Variants in FGF13 observed in about 807,000 individuals in gnomAD.
FGF13 encodes fibroblast growth factor homologous factor 2.
In FGF13, 2 loss-of-function variants were observed where a neutral mutation model predicts 19.5. The observed-to-expected ratio is 0.10, with a 90% CI of 0.04 to 0.32. The LOEUF is 0.32. FGF13 is among the 10% of genes least tolerant of loss of function. The pLI is 1.00. For missense variants in FGF13, 113 were observed against 192.7 expected, an observed-to-expected ratio of 0.59 and a Z score of 2.45; for synonymous variants, 72 against 76.9, an observed-to-expected ratio of 0.94 and a Z score of 0.33.
intron 1 of FGF13, among the ~76,000 whole-genome samples, chrX:139,053,229 T>A (rs2092308434): frequency 9.0e-6 from 1 of 111,388 alleles, no homozygotes; most frequent in Non-Finnish European, 1.9e-5. Context: ...TATGTGTGTG[T>A]GTATATATCA....
intron 3 of FGF13, among the ~76,000 whole-genome samples, chrX:138,665,753 C>T (rs1421865790): frequency 9.1e-6 from 1 of 110,342 alleles, no homozygotes; most frequent in Non-Finnish European, 1.9e-5. Context: ...AAGAGAAAGC[C>T]CCTACCCTCA....
intron 3 of FGF13, among the ~76,000 whole-genome samples, chrX:138,779,540 G>A (rs1416409990): frequency 7.3e-5 from 8 of 109,330 alleles, no homozygotes; most frequent in East Asian, 2.9e-4. Flanking sequence ...GAGCCGATGC[G>A]ATCAACTGGA....
At chrX:139,097,432 C>T (rs1275198024) in intron 1 of FGF13, among the ~76,000 whole-genome samples, 3 of 111,453 alleles carry the variant, frequency 2.7e-5, no homozygotes, top group Non-Finnish European at 5.6e-5. Flanking sequence ...GACAAGCTTG[C>T]TTTAAAGGAT....
intron 3 of FGF13, among the ~76,000 whole-genome samples, chrX:138,839,327 A>G (rs1276750141): frequency 1.8e-5 from 2 of 111,580 alleles, no homozygotes; most frequent in Admixed American, 1.9e-4. Flanking sequence ...GTATTCTTTT[A>G]TAGCAGCAGA....
chrX:138,878,640 G>C (rs1338876244), intron 1 of FGF13, among the ~76,000 whole-genome samples: 1 of 108,741 alleles, frequency 9.2e-6, no homozygotes, highest in Non-Finnish European at 1.9e-5. Flanking sequence ...ATAGCAGCAT[G>C]ATTTATAATC....
At chrX:139,039,211 C>A in intron 1 of FGF13, among the ~76,000 whole-genome samples, 1 of 112,137 alleles carries the variant, frequency 8.9e-6, no homozygotes, top group Non-Finnish European at 1.9e-5. Flanking sequence ...AAGTGGCATT[C>A]ATTATCCTTA....
At chrX:138,992,507 T>C (rs905835003) in intron 1 of FGF13, among the ~76,000 whole-genome samples, 11 of 111,209 alleles carry the variant, frequency 9.9e-5, no homozygotes, top group African/African-American at 3.6e-4. Flanking sequence ...CTGTTCCTTT[T>C]GGAGTTCATT....
chrX:138,764,005 G>A (rs1368753183), intron 3 of FGF13, among the ~76,000 whole-genome samples: 1 of 111,048 alleles, frequency 9.0e-6, no homozygotes, highest in Non-Finnish European at 1.9e-5. Context: ...GTAAGCACTG[G>A]CAGTTCCACT....
chrX:139,185,172 C>T (rs2084273064), intron 1 of FGF13, among the ~76,000 whole-genome samples: 1 of 112,215 alleles, frequency 8.9e-6, no homozygotes, highest in African/African-American at 3.2e-5. Flanking sequence ...ACAATAACTG[C>T]TTTCAAAAAC....
intron 1 of FGF13, among the ~76,000 whole-genome samples, chrX:138,720,653 T>TGGGCAGGA (rs754049882): frequency 5.4e-5 from 6 of 111,309 alleles, no homozygotes; most frequent in African/African-American, 9.8e-5. Context: ...GCTAACTCCG[T>TGGGCAGGA]GGGCAGGAGG....
At chrX:138,779,967 C>CT (rs2124355967) in intron 3 of FGF13, among the ~76,000 whole-genome samples, 1 of 103,124 alleles carries the variant, frequency 9.7e-6, no homozygotes, top group East Asian at 3.1e-4. Flanking sequence ...GCGGATCTCT[C>CT]GGCAGAAACC....
chrX:138,808,870 A>T (rs1228926553), intron 3 of FGF13, among the ~76,000 whole-genome samples: 1 of 112,155 alleles, frequency 8.9e-6, no homozygotes, highest in Non-Finnish European at 1.9e-5. Context: ...TCCTGGACAC[A>T]TACACCATCC....
At chrX:138,945,616 T>A (rs1489526525) in intron 1 of FGF13, among the ~76,000 whole-genome samples, 2 of 111,681 alleles carry the variant, frequency 1.8e-5, no homozygotes, top group Non-Finnish European at 1.9e-5. Flanking sequence ...AATTGTTAAT[T>A]ATCTTGGTGA....
At chrX:138,855,309 T>C (rs2091251224), downstream of FGF13, among the ~76,000 whole-genome samples, 1 of 112,081 alleles carries the variant, frequency 8.9e-6, no homozygotes, top group Admixed American at 9.5e-5. Context: ...CTGGATCCTG[T>C]TAACTTGTGT....
chrX:138,653,255 A>C (rs2124134614), intron 3 of FGF13, among the ~76,000 whole-genome samples: 1 of 111,472 alleles, frequency 9.0e-6, no homozygotes, highest in South Asian at 3.8e-4. Context: ...ATCTTTTTAG[A>C]AAGAGAAATA....
At chrX:138,771,657 C>T (rs188175201) in intron 3 of FGF13, among the ~76,000 whole-genome samples, 145 of 110,288 alleles carry the variant, frequency 1.3e-3, no homozygotes, top group Non-Finnish European at 2.0e-3. Context: ...CACATGAGAA[C>T]GCTCTCCGGT....
intron 1 of FGF13, among the ~76,000 whole-genome samples, chrX:139,094,237 G>A (rs2083456289): frequency 9.8e-6 from 1 of 102,546 alleles, no homozygotes; most frequent in South Asian, 4.2e-4. Context: ...ATGGTAGACA[G>A]AGCTATATAT....
rs1315180976 is a variant in FGF13, at chrX:138,620,174, C to T, written c.*12676G>A. 1 of 111,536 alleles carries T rather than the reference C, an allele frequency of 9.0e-6. No homozygotes were observed. The allele number at this position is 111,536 out of a possible 1,213,427, so 9.2% of individuals were successfully genotyped here. ...AGATCATGTCATTTTCAGGGACACA[C>T]ATGGCGCTGGAAGCCATTATTCTTA... On this transcript the variant is annotated 3_prime_UTR_variant, in exon 5 of 5. Transcript: ENST00000315930.
rs149302254 is a variant in FGF13, at chrX:139,194,475, C to T, written c.-113+8941G>A. On this transcript the variant is annotated intron_variant, in intron 1 of 2. Coordinates refer to the FGF13 transcript ENST00000421460. ...ACATAAATTCAAATCTGCCTGTGAGCGTCCTGCTCAAGATGCATCTTCGGT... is the reference window on the plus strand; with the variant it reads ...ACATAAATTCAAATCTGCCTGTGAGTGTCCTGCTCAAGATGCATCTTCGGT... 4.6e-4 allele frequency among the ~76,000 whole-genome samples: 52 copies of T among 112,340 alleles called. No homozygotes were observed. The East Asian group carries it at 0.011, about 23-fold the overall frequency.
Sources: gnomAD v4.1 joint callset for allele counts (sites outside exome capture counted in the v4.1 genomes callset) on GRCh38, gnomAD v4.1.1 for gene constraint, MANE v1.5 for transcripts, NCBI Gene and HGNC (gene_info 2026-07-23, HGNC 2026-07-21) for gene names.